ELP4: variants seen among roughly 807,000 people sequenced by gnomAD.
The protein encoded by ELP4 is elongator acetyltransferase complex subunit 4.
ELP4 carries 51 observed loss-of-function variants against 48.9 expected under a neutral mutation model. That is an observed-to-expected ratio of 1.04 (90% CI 0.83 to 1.32). The LOEUF is 1.32. Among genes scored for constraint, ELP4 ranks in the 40% most tolerant of loss-of-function variants. ELP4 has a pLI of 0.00. For synonymous variants in ELP4, 210 were observed against 189.2 expected (o/e 1.11, Z -0.90); for missense variants, 519 against 514.6 (o/e 1.01, Z -0.08).
At chr11:31,668,675 C>CATGTGTGTGTGTGTGTGTGT (rs757792983) in intron 9 of ELP4, among the ~76,000 whole-genome samples, 6,895 of 120,804 alleles carry the variant, frequency 0.057, 905 homozygotes, top group East Asian at 0.083. Flanking sequence ...CCTTTGGTAC[C>CATGTGTGTGTGTGTGTGTGT]GTGTGTGTGT....
intron 9 of ELP4, among the ~76,000 whole-genome samples, chr11:31,698,299 A>G (rs1946451821): frequency 6.6e-6 from 1 of 151,722 alleles, no homozygotes; most frequent in Non-Finnish European, 1.5e-5. Context: ...ATTAATTAAA[A>G]CCTCTTTCAA....
At position 31,789,724 on chromosome 11, in the gene ELP4, G is replaced by A. The variant is rs1271801859; in HGVS notation, c.*6200G>A. 1.4e-6 allele frequency: 1 copy of A among 705,256 alleles called. No homozygotes were observed. 43.7% of individuals were successfully genotyped at this position (705,256 alleles called of 1,614,324 possible). Reference sequence around the variant, plus strand: ...AGTTTGGATACCAAAATGAAGATTTGTTCCAACTGATATCGTGCCTTCTGT... The same window carrying A: ...AGTTTGGATACCAAAATGAAGATTTATTCCAACTGATATCGTGCCTTCTGT... On this transcript the variant is annotated 3_prime_UTR_variant, in exon 10 of 10. Coordinates refer to ENST00000640961, the MANE Select transcript of ELP4 (RefSeq NM_019040.5).
chr11:31,724,638 C>T (rs1225965971), intron 9 of ELP4, among the ~76,000 whole-genome samples: 2 of 152,222 alleles, frequency 1.3e-5, no homozygotes, highest in African/African-American at 4.8e-5. Context: ...GTCTTTCTTT[C>T]ACTCCAGAGT....
At chr11:31,766,685 T>C (rs1225472280) in intron 9 of ELP4, among the ~76,000 whole-genome samples, 1 of 152,030 alleles carries the variant, frequency 6.6e-6, no homozygotes, top group Non-Finnish European at 1.5e-5. Context: ...TAGATACTAG[T>C]GTTACCTGAA....
intron 6 of ELP4, among the ~76,000 whole-genome samples, 183 bp from the exon 7 acceptor site, chr11:31,632,034 A>C (rs1944871350): frequency 6.6e-6 from 1 of 152,090 alleles, no homozygotes; most frequent in African/African-American, 2.4e-5. Flanking sequence ...GTTATTTTTT[A>C]TAATCTTGTA....
intron 5 of ELP4, among the ~76,000 whole-genome samples, chr11:31,620,293 G>C (rs1477329498): frequency 6.6e-6 from 1 of 151,990 alleles, no homozygotes. Flanking sequence ...GAGCAAGGAA[G>C]TGAGGATAAG....
intron 5 of ELP4, among the ~76,000 whole-genome samples, chr11:31,622,686 G>A (rs1944648970): frequency 6.6e-6 from 1 of 151,670 alleles, no homozygotes; most frequent in Non-Finnish European, 1.5e-5. Context: ...AGGAAAATTA[G>A]AGATGGGGAT....
intron 9 of ELP4, among the ~76,000 whole-genome samples, chr11:31,679,411 C>T (rs1388385737): frequency 6.6e-6 from 1 of 152,156 alleles, no homozygotes; most frequent in Non-Finnish European, 1.5e-5. Context: ...TCTTACAGTT[C>T]TGGAGGTCAG....
At chr11:31,576,640 C>G (rs1957284727) in intron 3 of ELP4, among the ~76,000 whole-genome samples, 1 of 152,188 alleles carries the variant, frequency 6.6e-6, no homozygotes, top group Admixed American at 6.5e-5. Flanking sequence ...AAGACACTCA[C>G]TCAAAACCAC....
At chr11:31,596,171 G>A (rs1389946416) in intron 4 of ELP4, among the ~76,000 whole-genome samples, 4 of 152,114 alleles carry the variant, frequency 2.6e-5, no homozygotes, top group African/African-American at 4.8e-5. Context: ...TTGGGAGGCC[G>A]AGGCGGGTGG....
At chr11:31,691,570 G>GT (rs1946281986) in intron 9 of ELP4, among the ~76,000 whole-genome samples, 1 of 152,106 alleles carries the variant, frequency 6.6e-6, no homozygotes, top group East Asian at 1.9e-4. Flanking sequence ...TAAAGCCTCA[G>GT]TTTTATCTTC....
chr11:31,547,857 A>T (rs1373206216), intron 3 of ELP4, among the ~76,000 whole-genome samples: 1 of 152,232 alleles, frequency 6.6e-6, no homozygotes, highest in African/African-American at 2.4e-5. Flanking sequence ...AATGTAATCC[A>T]GCATATAAAC....
intron 9 of ELP4, among the ~76,000 whole-genome samples, chr11:31,680,543 G>A (rs1007862227): frequency 1.3e-5 from 2 of 152,080 alleles, no homozygotes; most frequent in African/African-American, 4.8e-5. Context: ...AGGAAGCAAA[G>A]GGCAAGGAAA....
chr11:31,777,942 C>T (rs1948283811), intron 9 of ELP4, among the ~76,000 whole-genome samples: 1 of 152,214 alleles, frequency 6.6e-6, no homozygotes, highest in Non-Finnish European at 1.5e-5. Context: ...AGAATACAAA[C>T]TGGCTGCAGA....
intron 9 of ELP4, among the ~76,000 whole-genome samples, chr11:31,704,657 TAAA>T (rs1946593270): frequency 6.6e-6 from 1 of 151,926 alleles, no homozygotes; most frequent in Non-Finnish European, 1.5e-5. Context: ...AAATTAAAAT[TAAA>T]AAATAAAAAA....
At chr11:31,711,746 A>G (rs1435855049) in intron 9 of ELP4, among the ~76,000 whole-genome samples, 1 of 152,166 alleles carries the variant, frequency 6.6e-6, no homozygotes, top group Non-Finnish European at 1.5e-5. Context: ...AACTATTAAT[A>G]GTAGTAGGTA....
At chr11:31,781,396 G>T (rs1326761950) in intron 9 of ELP4, among the ~76,000 whole-genome samples, 1 of 148,802 alleles carries the variant, frequency 6.7e-6, no homozygotes, top group Admixed American at 6.7e-5. Flanking sequence ...TTTCCGTCCT[G>T]CTTCCTCACG....
At chr11:31,558,254 G>C (rs1415161247) in intron 3 of ELP4, among the ~76,000 whole-genome samples, 1 of 151,736 alleles carries the variant, frequency 6.6e-6, no homozygotes, top group Non-Finnish European at 1.5e-5. Context: ...AAAAAAACAT[G>C]CAAAGGCTCA....
At chr11:31,689,636 C>G (rs1022668424) in intron 9 of ELP4, among the ~76,000 whole-genome samples, 1 of 151,998 alleles carries the variant, frequency 6.6e-6, no homozygotes, top group East Asian at 1.9e-4. Flanking sequence ...GATAGGAAGT[C>G]TGTGGCCACT....
Sources: gnomAD v4.1 joint callset for allele counts (sites outside exome capture counted in the v4.1 genomes callset) on GRCh38, gnomAD v4.1.1 for gene constraint, MANE v1.5 for transcripts, NCBI Gene and HGNC (gene_info 2026-07-23, HGNC 2026-07-21) for gene names.